SH3RF3: variants seen among roughly 807,000 people sequenced by gnomAD.
SH3RF3 encodes SH3 domain containing ring finger 3.
A neutral mutation model predicts 66.3 loss-of-function variants in SH3RF3; 29 were observed. That is an observed-to-expected ratio of 0.44 (90% CI 0.33 to 0.60). SH3RF3 has a LOEUF of 0.60. Among genes scored for constraint, SH3RF3 ranks in the 20% least tolerant of loss-of-function variants. SH3RF3 has a pLI of 0.04. For synonymous variants in SH3RF3, 583 were observed against 532.0 expected, an observed-to-expected ratio of 1.10 and a Z score of -1.32; for missense variants, 1,194 against 1,190.9, an observed-to-expected ratio of 1.00 and a Z score of -0.04.
intron 1 of SH3RF3, among the ~76,000 whole-genome samples, chr2:109,215,095 G>T (rs914978936): frequency 6.6e-6 from 1 of 152,184 alleles, no homozygotes; most frequent in Non-Finnish European, 1.5e-5. Context: ...TCAGTGGGAC[G>T]ACTAACCTCC....
At chr2:109,195,515 C>G (rs527612983) in intron 1 of SH3RF3, among the ~76,000 whole-genome samples, 1 of 152,206 alleles carries the variant, frequency 6.6e-6, no homozygotes, top group Non-Finnish European at 1.5e-5. Flanking sequence ...TGGAAACCTA[C>G]GTTCTTTAGA....
chr2:109,234,805 A>T (rs891584839), intron 1 of SH3RF3, among the ~76,000 whole-genome samples: 4 of 152,214 alleles, frequency 2.6e-5, no homozygotes, highest in Non-Finnish European at 4.4e-5. Flanking sequence ...TCCTGGGGAA[A>T]TTCAACCATG....
At chr2:109,280,065 AT>A (rs1680847057) in intron 1 of SH3RF3, among the ~76,000 whole-genome samples, 1 of 151,812 alleles carries the variant, frequency 6.6e-6, no homozygotes, top group Non-Finnish European at 1.5e-5. Context: ...CTCCCCTCCT[AT>A]TTTTTTCGAT....
chr2:109,501,403 C>T, intron 9 of SH3RF3, 100 bp from the exon 10 acceptor site: 2 of 565,010 alleles, frequency 3.5e-6, no homozygotes. Flanking sequence ...GGGAAAATAG[C>T]AGCAAATAAC....
intron 4 of SH3RF3, among the ~76,000 whole-genome samples, chr2:109,404,457 T>C (rs1284505840): frequency 6.6e-6 from 1 of 152,200 alleles, no homozygotes; most frequent in African/African-American, 2.4e-5. Flanking sequence ...GCAGCCACTC[T>C]GCAGGGGCAG....
chr2:109,275,418 T>C (rs1680730293), intron 1 of SH3RF3, among the ~76,000 whole-genome samples: 1 of 152,188 alleles, frequency 6.6e-6, no homozygotes, highest in African/African-American at 2.4e-5. Flanking sequence ...TCCGTGACCC[T>C]CCATTCAGTT....
At chr2:109,465,315 G>A (rs568724000) in intron 8 of SH3RF3, among the ~76,000 whole-genome samples, 6 of 152,110 alleles carry the variant, frequency 3.9e-5, no homozygotes, top group Non-Finnish European at 5.9e-5. Flanking sequence ...ACATAAATTC[G>A]GATAAATACC....
rs780675276 is a variant in SH3RF3 at position 109,398,642 on chromosome 2, C to T, written c.998C>T (p.Ala333Val). Residue 333 changes from alanine to valine, a missense_variant, in exon 4 of 10, where the codon GCT (alanine) becomes GTT (valine). Physicochemically the swap from Ala to Val is moderately conservative, Grantham distance 64. Transcript: ENST00000309415. Reference sequence around the variant, plus strand: ...GAGATGGACAAGCCATGCCCAGCCGCTGCATCCAGCTGCAATGCCTCCCTG... The same window carrying T: ...GAGATGGACAAGCCATGCCCAGCCGTTGCATCCAGCTGCAATGCCTCCCTG... ...LIEMDKPCPA[A>V]ASSCNASLPS... The T allele has an allele frequency of 1.5e-5, 24 of 1,600,282 alleles. No individual in the cohort carries two copies.
At chr2:109,199,852 A>AG (rs1678626196) in intron 1 of SH3RF3, among the ~76,000 whole-genome samples, 5 of 150,328 alleles carry the variant, frequency 3.3e-5, no homozygotes, top group African/African-American at 4.8e-5. Context: ...TGGAATGGAA[A>AG]TAACAAAATT....
chr2:109,484,220 C>T (rs1678910719), intron 8 of SH3RF3, among the ~76,000 whole-genome samples: 1 of 152,148 alleles, frequency 6.6e-6, no homozygotes. Flanking sequence ...GCGCTTGCCA[C>T]CACGCTCAGC....
At chr2:109,250,999 TTTTA>T (rs1477875055) in intron 1 of SH3RF3, among the ~76,000 whole-genome samples, 2 of 152,018 alleles carry the variant, frequency 1.3e-5, no homozygotes, top group Non-Finnish European at 2.9e-5. Context: ...TTATTAATAT[TTTTA>T]TTTATTTATT....
At chr2:109,243,053 A>G (rs552411039) in intron 1 of SH3RF3, among the ~76,000 whole-genome samples, 1 of 152,344 alleles carries the variant, frequency 6.6e-6, no homozygotes, top group South Asian at 2.1e-4. Context: ...ATTTGTGAGA[A>G]CAATGAAATC....
At chr2:109,194,254 CAGGT>C (rs2105034191) in intron 1 of SH3RF3, among the ~76,000 whole-genome samples, 1 of 152,364 alleles carries the variant, frequency 6.6e-6, no homozygotes, top group East Asian at 1.9e-4. Context: ...CCTCATGACA[CAGGT>C]GGATTCGTAA....
chr2:109,339,824 G>T (rs1262337136), intron 1 of SH3RF3, among the ~76,000 whole-genome samples: 1 of 152,126 alleles, frequency 6.6e-6, no homozygotes, highest in Non-Finnish European at 1.5e-5. Context: ...AAACAGATCT[G>T]GACCCTCCTG....
In SH3RF3 at chr2:109,174,151, G is replaced by A. The variant is rs553820048; in HGVS notation, c.573+44038G>A. Reference sequence around the variant, plus strand: ...GCCATAGGGCAGAGCCTCCCAACCAGAGGCTCCAGGATGTTGTGGAGTTCA... The same window carrying A: ...GCCATAGGGCAGAGCCTCCCAACCAAAGGCTCCAGGATGTTGTGGAGTTCA... On this transcript the variant is annotated intron_variant, in intron 1 of 9. Coordinates refer to ENST00000309415, the MANE Select transcript of SH3RF3 (RefSeq NM_001099289.3). 4.3e-3 allele frequency among the ~76,000 whole-genome samples: 652 copies of A among 152,366 alleles called. 4 individuals are homozygous for A. Among genetic ancestry groups the A allele is most frequent in the Non-Finnish European group, 7.1e-3 (480 of 68,030 alleles).
intron 2 of SH3RF3, among the ~76,000 whole-genome samples, chr2:109,357,070 A>C (rs1490827043): frequency 2.6e-5 from 4 of 151,178 alleles, no homozygotes; most frequent in Non-Finnish European, 5.9e-5. Flanking sequence ...ATTTTTTTTT[A>C]TTATGTTATA....
rs116663566 is a variant in SH3RF3, at chr2:109,229,134, T to C, written c.573+99021T>C. ...AAGATACTCCTAGCCCCGCTATCACTCAGAAAATTACCAGGGATTTAGGAG... is the reference window on the plus strand; with the variant it reads ...AAGATACTCCTAGCCCCGCTATCACCCAGAAAATTACCAGGGATTTAGGAG... On this transcript the variant is annotated intron_variant, in intron 1 of 9. Transcript: ENST00000309415. Among the ~76,000 whole-genome samples the C allele has an allele frequency of 5.4e-3, 817 of 152,198 alleles. 11 individuals are homozygous for C. The highest frequency in any genetic ancestry group is 0.019 in the African/African-American group (785 of 41,520).
intron 2 of SH3RF3, among the ~76,000 whole-genome samples, chr2:109,371,161 G>C (rs752542929): frequency 6.6e-6 from 1 of 152,192 alleles, no homozygotes; most frequent in Non-Finnish European, 1.5e-5. Flanking sequence ...GGCCAAGGCG[G>C]GCAGATTGCC....
intron 1 of SH3RF3, among the ~76,000 whole-genome samples, chr2:109,285,928 C>T (rs1681020422): frequency 1.3e-5 from 2 of 152,212 alleles, no homozygotes; most frequent in Admixed American, 6.5e-5. Context: ...TCCACTCACC[C>T]GGTTTTCCTC....
Sources: allele counts gnomAD v4.1 joint callset (sites outside exome capture counted in the v4.1 genomes callset), GRCh38; gene constraint gnomAD v4.1.1; transcripts MANE v1.5; gene names NCBI Gene and HGNC (gene_info 2026-07-23, HGNC 2026-07-21).